The following ANKRD27 variants were observed in gnomAD, a reference collection of about 807,000 sequenced individuals.
ANKRD27 encodes the protein ankyrin repeat domain-containing protein 27.
A neutral mutation model predicts 129.7 loss-of-function variants in ANKRD27; 112 were observed. The observed-to-expected ratio is 0.86, with a 90% confidence interval of 0.74 to 1.01. The LOEUF (loss-of-function observed/expected upper bound fraction) is 1.01. Ranked by LOEUF, ANKRD27 falls within the 50% of genes least tolerant of loss-of-function variation. The probability of loss-of-function intolerance (pLI) is 0.00; values close to 1 mark genes in which losing one functional copy is unlikely to be tolerated. For missense variants in ANKRD27, 1,258 were observed against 1,300.5 expected, an observed-to-expected ratio of 0.97 and a Z score of 0.50; for synonymous variants, 516 against 511.2, an observed-to-expected ratio of 1.01 and a Z score of -0.13.
intron 13 of ANKRD27, among the ~76,000 whole-genome samples, chr19:32,629,844 CTTTT>C (rs548494616): frequency 0.034 from 3,570 of 105,576 alleles, 172 homozygotes; most frequent in East Asian, 0.27. Context: ...CTCTTGTGTT[CTTTT>C]TTTTTTTTTT....
At chr19:32,662,111 G>A (rs999774138) in intron 1 of ANKRD27, among the ~76,000 whole-genome samples, 31 of 151,096 alleles carry the variant, frequency 2.1e-4, no homozygotes, top group African/African-American at 6.3e-4. Context: ...TCAGGAGTTC[G>A]AGATCAGCCT....
intron 26 of ANKRD27, 37 bp from the exon 27 acceptor site, chr19:32,600,087 AAC>A (rs1249805538): frequency 7.1e-7 from 1 of 1,399,638 alleles, no homozygotes; most frequent in Non-Finnish European, 1.0e-6. Flanking sequence ...AAACTTCAAA[AAC>A]AGTTGTAAAG....
intron 17 of ANKRD27, among the ~76,000 whole-genome samples, chr19:32,623,256 T>A (rs764299546): frequency 6.6e-6 from 1 of 152,168 alleles, no homozygotes; most frequent in African/African-American, 2.4e-5. Context: ...AAACATTCTA[T>A]GGGTGCCTGG....
chr19:32,648,380 A>G (rs1229295099), intron 3 of ANKRD27, among the ~76,000 whole-genome samples: 1 of 152,210 alleles, frequency 6.6e-6, no homozygotes, highest in Non-Finnish European at 1.5e-5. Flanking sequence ...ATGTTGGAGG[A>G]CATTCTATCA....
intron 13 of ANKRD27, among the ~76,000 whole-genome samples, chr19:32,631,131 G>A (rs1350988599): frequency 6.6e-6 from 1 of 151,880 alleles, no homozygotes; most frequent in East Asian, 1.9e-4. Context: ...CGATTCTCCT[G>A]CCTCAGCCTC....
At chr19:32,622,367 C>T (rs1375826368) in intron 18 of ANKRD27, 55 bp downstream of exon 18, 13 of 1,583,428 alleles carry the variant, frequency 8.2e-6, no homozygotes, top group South Asian at 2.2e-5. Flanking sequence ...ACCTAAGCTA[C>T]GGACATCGAT....
chr19:32,635,322 G>A (rs575371640), intron 12 of ANKRD27, among the ~76,000 whole-genome samples: 10 of 152,224 alleles, frequency 6.6e-5, no homozygotes, highest in Non-Finnish European at 1.0e-4. Context: ...CCGCAGGCAC[G>A]GTGAGAGAAA....
At chr19:32,603,846 G>A (rs1971688757) in intron 25 of ANKRD27, among the ~76,000 whole-genome samples, 1 of 152,128 alleles carries the variant, frequency 6.6e-6, no homozygotes, top group Non-Finnish European at 1.5e-5. Flanking sequence ...GCCTCAAGGA[G>A]TTTTAAATCC....
intron 12 of ANKRD27, among the ~76,000 whole-genome samples, chr19:32,634,491 C>A (rs919176277): frequency 3.3e-5 from 5 of 152,238 alleles, no homozygotes; most frequent in African/African-American, 9.6e-5. Flanking sequence ...GGGTCCAACA[C>A]CCTGACAACA....
rs10711405 is a variant in ANKRD27 at position 32,674,571 on chromosome 19, A to AC, written c.-31+499dup. Among the ~76,000 whole-genome samples the AC allele has an allele frequency of 8.7e-3, 1,318 of 151,194 alleles. 19 individuals are homozygous for AC. Among genetic ancestry groups the AC allele is most frequent in the African/African-American group, 0.027 (1,121 of 41,206 alleles). Reference sequence around the variant, plus strand: ...AATCTTTACCTGTGGGAATGCAGAGACCCCCCCGCCCTGCGAGAGGCCGGC... The same window carrying AC: ...AATCTTTACCTGTGGGAATGCAGAGACCCCCCCCGCCCTGCGAGAGGCCGGC... On this transcript the variant is annotated intron_variant, in intron 1 of 28. Transcript: ENST00000306065.
At chr19:32,650,209 A>G (rs1400475112) in intron 2 of ANKRD27, among the ~76,000 whole-genome samples, 3 of 152,178 alleles carry the variant, frequency 2.0e-5, no homozygotes, top group Non-Finnish European at 4.4e-5. Flanking sequence ...GAGCATTTGG[A>G]AAGTACAGAA....
At chr19:32,633,919 A>G (rs541602562) in intron 12 of ANKRD27, among the ~76,000 whole-genome samples, 1 of 152,042 alleles carries the variant, frequency 6.6e-6, no homozygotes, top group South Asian at 2.1e-4. Flanking sequence ...AGTCCCAGCC[A>G]CCCAGGAGGC....
Position 32,628,094 on chromosome 19 carries a change from G to A in ANKRD27, c.1409C>T (p.Ala470Val). ...CCAGGACCACATACCACAGACAGCAGCCACATGGAGAGGGGTGTGCCCCCT... is the reference window on the plus strand; with the variant it reads ...CCAGGACCACATACCACAGACAGCAACCACATGGAGAGGGGTGTGCCCCCT... ...DDRGHTPLHV[A>V]AVCGQASLID... Residue 470 changes from alanine (A) to valine (V), a missense_variant, in exon 15 of 29, where the codon GCT (alanine) becomes GTT (valine). Physicochemically the swap from Ala to Val is moderately conservative, Grantham distance 64. Transcript: ENST00000306065. The A allele has an allele frequency of 6.2e-7, 1 of 1,614,200 alleles. No homozygotes were observed. The highest frequency in any genetic ancestry group is 8.5e-7 in the Non-Finnish European group (1 of 1,179,986).
chr19:32,622,126 G>T (rs1972019243), intron 18 of ANKRD27, among the ~76,000 whole-genome samples: 1 of 152,168 alleles, frequency 6.6e-6, no homozygotes, highest in Admixed American at 6.5e-5. Context: ...CCCTGCCCCT[G>T]CGGAGCCTCG....
chr19:32,615,530 G>A (rs960003624), intron 22 of ANKRD27, 128 bp downstream of exon 22: 1 of 1,482,910 alleles, frequency 6.7e-7, no homozygotes, highest in African/African-American at 1.4e-5. Flanking sequence ...GCTGCAGTGG[G>A]TCATGACTGT....
intron 18 of ANKRD27, among the ~76,000 whole-genome samples, chr19:32,621,918 G>C (rs996033511): frequency 1.3e-5 from 2 of 152,152 alleles, no homozygotes; most frequent in Non-Finnish European, 2.9e-5. Flanking sequence ...ACTCACGAGA[G>C]GGGAGCACTT....
intron 2 of ANKRD27, among the ~76,000 whole-genome samples, chr19:32,657,622 CA>C (rs764894654): frequency 0.02 from 2,492 of 127,764 alleles, 38 homozygotes; most frequent in East Asian, 0.057. Context: ...GACTCTGTCT[CA>C]AAAAAAAAAA....
intron 22 of ANKRD27, among the ~76,000 whole-genome samples, chr19:32,610,462 G>A (rs565509080): frequency 6.7e-6 from 1 of 148,248 alleles, no homozygotes; most frequent in Non-Finnish European, 1.5e-5. Context: ...TCTGGCCTTG[G>A]TGACAGACCA....
At chr19:32,620,001 T>G (rs552315464) in intron 18 of ANKRD27, among the ~76,000 whole-genome samples, 28 of 152,010 alleles carry the variant, frequency 1.8e-4, no homozygotes, top group African/African-American at 6.8e-4. Context: ...CCTCTGCAGA[T>G]CTCCCTCTGG....
Sources: allele counts gnomAD v4.1 joint callset (sites outside exome capture counted in the v4.1 genomes callset), GRCh38; gene constraint gnomAD v4.1.1; transcripts MANE v1.5; gene names NCBI Gene and HGNC (gene_info 2026-07-23, HGNC 2026-07-21).